Variants in KCNIP4 observed in about 807,000 individuals in gnomAD.
KCNIP4 encodes the protein Kv channel-interacting protein 4.
Under a neutral mutation model 34.0 loss-of-function variants are expected in KCNIP4, and 12 were observed. The observed-to-expected ratio is 0.35, with a 90% CI of 0.23 to 0.57. The LOEUF is 0.57. Ranked by LOEUF, KCNIP4 falls within the 20% of genes least tolerant of loss-of-function variation. The pLI, the probability that KCNIP4 is intolerant of heterozygous loss-of-function variation, is 0.83. For missense variants in KCNIP4, 238 were observed against 311.7 expected (o/e 0.76, Z 1.78); for synonymous variants, 124 against 102.2 (o/e 1.21, Z -1.29).
chr4:21,451,400 C>T (rs1177653863), intron 1 of KCNIP4, among the ~76,000 whole-genome samples: 1 of 152,120 alleles, frequency 6.6e-6, no homozygotes, highest in Non-Finnish European at 1.5e-5. Context: ...GAATCCAACT[C>T]CATGGGGGCA....
intron 5 of KCNIP4, among the ~76,000 whole-genome samples, chr4:20,738,949 C>A (rs753973603): frequency 2.6e-5 from 4 of 152,196 alleles, no homozygotes; most frequent in African/African-American, 4.8e-5. Context: ...TATACTGCAC[C>A]TGGCTCAGAG....
intron 3 of KCNIP4, among the ~76,000 whole-genome samples, chr4:20,812,067 G>A (rs1255205051): frequency 6.6e-6 from 1 of 152,184 alleles, no homozygotes; most frequent in Non-Finnish European, 1.5e-5. Context: ...AATGAGCAGT[G>A]AGAAAATGTA....
intron 1 of KCNIP4, among the ~76,000 whole-genome samples, chr4:21,478,178 A>T (rs1026271132): frequency 6.6e-6 from 1 of 152,062 alleles, no homozygotes; most frequent in African/African-American, 2.4e-5. Flanking sequence ...TTAATTTCCC[A>T]ATGTTGAACC....
chr4:21,111,765 G>T (rs994526938), intron 1 of KCNIP4, among the ~76,000 whole-genome samples: 2 of 152,178 alleles, frequency 1.3e-5, no homozygotes, highest in Admixed American at 1.3e-4. Flanking sequence ...ATTGCAGGCA[G>T]GAATGAACAG....
intron 1 of KCNIP4, among the ~76,000 whole-genome samples, chr4:21,133,284 C>T (rs1751230995): frequency 6.6e-6 from 1 of 152,166 alleles, no homozygotes; most frequent in Non-Finnish European, 1.5e-5. Flanking sequence ...CTGGGTTTAA[C>T]ATGTGTAATT....
intron 2 of KCNIP4, among the ~76,000 whole-genome samples, chr4:20,874,681 C>T (rs1445303357): frequency 6.8e-6 from 1 of 146,014 alleles, no homozygotes; most frequent in Non-Finnish European, 1.5e-5. Flanking sequence ...GCCACTTCAT[C>T]TCTTTTTTTT....
chr4:21,046,394 C>A (rs192447671), intron 1 of KCNIP4, among the ~76,000 whole-genome samples: 1 of 152,050 alleles, frequency 6.6e-6, no homozygotes, highest in Non-Finnish European at 1.5e-5. Context: ...TCCTTTTCTC[C>A]GCCCAATTTT....
intron 1 of KCNIP4, among the ~76,000 whole-genome samples, chr4:21,623,688 T>C (rs1847424): frequency 6.6e-6 from 1 of 151,102 alleles, no homozygotes; most frequent in Admixed American, 6.6e-5. Context: ...AGCTTAGTAG[T>C]TACCAATAGT....
chr4:21,024,491 C>A (rs953396412), intron 1 of KCNIP4, among the ~76,000 whole-genome samples: 7 of 152,210 alleles, frequency 4.6e-5, no homozygotes, highest in African/African-American at 1.7e-4. Context: ...CATTCCCCAA[C>A]AACTAAAATA....
At chr4:20,798,381 C>T (rs1329382851) in intron 3 of KCNIP4, among the ~76,000 whole-genome samples, 1 of 152,094 alleles carries the variant, frequency 6.6e-6, no homozygotes, top group African/African-American at 2.4e-5. Context: ...AGGATAAAAG[C>T]GGTAGATGAC....
chr4:21,009,854 G>A (rs907319687), intron 1 of KCNIP4, among the ~76,000 whole-genome samples: 3 of 152,108 alleles, frequency 2.0e-5, no homozygotes, highest in Non-Finnish European at 4.4e-5. Context: ...TCATTCAACC[G>A]TCCTGATTTT....
At chr4:21,901,493 C>T (rs1357153183) in intron 1 of KCNIP4, among the ~76,000 whole-genome samples, 1 of 152,052 alleles carries the variant, frequency 6.6e-6, no homozygotes, top group Non-Finnish European at 1.5e-5. Context: ...TCTTCATGTG[C>T]CCACACCCCA....
chr4:21,229,046 A>G (rs1285274546), intron 1 of KCNIP4, among the ~76,000 whole-genome samples: 2 of 152,154 alleles, frequency 1.3e-5, no homozygotes, highest in African/African-American at 2.4e-5. Context: ...TCCATTTGCA[A>G]TGCTGCACTG....
At chr4:21,740,415 A>C (rs1376547088) in intron 1 of KCNIP4, among the ~76,000 whole-genome samples, 1 of 150,622 alleles carries the variant, frequency 6.6e-6, no homozygotes, top group Admixed American at 6.6e-5. Flanking sequence ...TCCTCCCTCC[A>C]TTTTTCTATC....
At chr4:21,494,363 A>G (rs57230257) in intron 1 of KCNIP4, among the ~76,000 whole-genome samples, 4,891 of 152,276 alleles carry the variant, frequency 0.032, 196 homozygotes, top group East Asian at 0.12. Flanking sequence ...AGCCAAATGG[A>G]AAATCTAATG....
chr4:21,772,732 A>C (rs1462412304), intron 1 of KCNIP4, among the ~76,000 whole-genome samples: 3 of 151,984 alleles, frequency 2.0e-5, no homozygotes, highest in Non-Finnish European at 4.4e-5. Flanking sequence ...TTATTCTCTG[A>C]TGGTGCTTTG....
intron 1 of KCNIP4, among the ~76,000 whole-genome samples, chr4:20,944,401 G>A (rs1307699339): frequency 6.6e-6 from 1 of 152,180 alleles, no homozygotes; most frequent in African/African-American, 2.4e-5. Flanking sequence ...CACTCAAGGT[G>A]ACTACTGAGC....
intron 1 of KCNIP4, among the ~76,000 whole-genome samples, chr4:21,341,785 G>T (rs1464884733): frequency 2.0e-5 from 3 of 152,102 alleles, no homozygotes; most frequent in Admixed American, 6.6e-5. Flanking sequence ...AACTACAAAT[G>T]CTTTGTGGTT....
At position 21,303,984 on chromosome 4, in the gene KCNIP4, T is replaced by C. The variant is rs561192370; in HGVS notation, c.62-421275A>G. Reference sequence around the variant, plus strand: ...GGCTTTCTTTGTAAAGCCATTAAACTACATTAAGAAGGCTACTGCTGGAGA... The same window carrying C: ...GGCTTTCTTTGTAAAGCCATTAAACCACATTAAGAAGGCTACTGCTGGAGA... On this transcript the variant is annotated intron_variant, in intron 1 of 8. Transcript: ENST00000382152. 8 of 1,537,572 alleles carry C rather than the reference T, an allele frequency of 5.2e-6. No individual in the cohort carries two copies. The East Asian group carries it at 7.2e-5, about 14-fold the overall frequency.
Sources: gnomAD v4.1 joint callset for allele counts (sites outside exome capture counted in the v4.1 genomes callset) on GRCh38, gnomAD v4.1.1 for gene constraint, MANE v1.5 for transcripts, NCBI Gene and HGNC (gene_info 2026-07-23, HGNC 2026-07-21) for gene names.